HERC3: variants seen among roughly 807,000 people sequenced by gnomAD.
HERC3 encodes probable E3 ubiquitin-protein ligase HERC3.
HERC3 carries 58 observed loss-of-function variants against 129.9 expected under a neutral mutation model. The ratio of observed to expected loss-of-function variants is 0.45; its 90% CI spans 0.36 to 0.56. The LOEUF (loss-of-function observed/expected upper bound fraction) is 0.56. Ranked by LOEUF, HERC3 falls within the 20% of genes least tolerant of loss-of-function variation. HERC3 has a pLI of 0.00. For missense variants in HERC3, 835 were observed against 1,244.2 expected, an observed-to-expected ratio of 0.67 and a Z score of 4.95; for synonymous variants, 430 against 451.0, an observed-to-expected ratio of 0.95 and a Z score of 0.59.
At chr4:88,704,448 T>A in intron 24 of HERC3, 60 bp from the exon 25 acceptor site, 3 of 1,276,556 alleles carry the variant, frequency 2.4e-6, no homozygotes, top group Non-Finnish European at 3.4e-6. Context: ...AAATGATATA[T>A]AATGTCCACT....
upstream of HERC3, among the ~76,000 whole-genome samples, chr4:88,588,612 T>C (rs1390107205): frequency 6.6e-6 from 1 of 152,234 alleles, no homozygotes; most frequent in Non-Finnish European, 1.5e-5. Context: ...GGGTAGCCTG[T>C]TTTTTTCCAC....
chr4:88,647,245 G>A (rs1176611724), intron 3 of HERC3, among the ~76,000 whole-genome samples: 2 of 152,234 alleles, frequency 1.3e-5, no homozygotes, highest in South Asian at 2.1e-4. Flanking sequence ...GAAAGAAAAC[G>A]GCAGACAGAT....
intron 3 of HERC3, among the ~76,000 whole-genome samples, chr4:88,607,515 G>A (rs1263066360): frequency 6.6e-6 from 1 of 152,040 alleles, no homozygotes; most frequent in Non-Finnish European, 1.5e-5. Flanking sequence ...CCAGGCTGGA[G>A]TGCAGTGGTG....
the HERC3 span, among the ~76,000 whole-genome samples, chr4:88,551,365 A>C: frequency 2.0e-5 from 3 of 147,166 alleles, no homozygotes; most frequent in Non-Finnish European, 4.5e-5. Flanking sequence ...AATGGGAGAA[A>C]ATTTTTGCAA....
At chr4:88,655,433 T>G (rs3887216) in intron 8 of HERC3, 129 bp downstream of exon 8, 1 of 1,022,126 alleles carries the variant, frequency 9.8e-7, no homozygotes, top group Non-Finnish European at 1.4e-6. Flanking sequence ...TGCACGCCTA[T>G]GGTGAAATGT....
At chr4:88,530,642 A>G in the HERC3 span, among the ~76,000 whole-genome samples, 1 of 152,220 alleles carries the variant, frequency 6.6e-6, no homozygotes, top group Non-Finnish European at 1.5e-5. Context: ...AGAGATGAGT[A>G]TGATGAGCCA....
chr4:88,636,515 A>G (rs1309205168), intron 3 of HERC3, among the ~76,000 whole-genome samples: 1 of 152,236 alleles, frequency 6.6e-6, no homozygotes, highest in Non-Finnish European at 1.5e-5. Flanking sequence ...AGAGACCTAC[A>G]AAGAGAGTTA....
chr4:88,525,774 A>G, the HERC3 span, among the ~76,000 whole-genome samples: 1 of 152,278 alleles, frequency 6.6e-6, no homozygotes, highest in Admixed American at 6.5e-5. Context: ...GTCCCTAAAT[A>G]GCCCTTAGTA....
chr4:88,584,273 G>A, the HERC3 span, among the ~76,000 whole-genome samples: 1 of 152,116 alleles, frequency 6.6e-6, no homozygotes, highest in South Asian at 2.1e-4. Flanking sequence ...CCAAATAAGT[G>A]CACATTCTGA....
chr4:88,626,630 T>C (rs1726128802), intron 3 of HERC3, among the ~76,000 whole-genome samples: 1 of 152,152 alleles, frequency 6.6e-6, no homozygotes, highest in Non-Finnish European at 1.5e-5. Flanking sequence ...TACTTATCTT[T>C]TTCTTCTTAG....
At chr4:88,653,436 G>C (rs140441811) in intron 6 of HERC3, among the ~76,000 whole-genome samples, 1 of 152,362 alleles carries the variant, frequency 6.6e-6, no homozygotes, top group African/African-American at 2.4e-5. Context: ...AGAGAACTGG[G>C]TGTGCAAAGG....
the HERC3 span, among the ~76,000 whole-genome samples, chr4:88,562,618 T>G: frequency 1.3e-5 from 2 of 152,198 alleles, no homozygotes; most frequent in Non-Finnish European, 2.9e-5. Flanking sequence ...TTTCTTGTAG[T>G]ATTTTTATAG....
intron 12 of HERC3, among the ~76,000 whole-genome samples, chr4:88,666,191 T>C (rs141199865): frequency 2.0e-5 from 3 of 152,316 alleles, no homozygotes; most frequent in East Asian, 1.9e-4. Flanking sequence ...AGATTTCGTA[T>C]AGAGTTGTGG....
intron 22 of HERC3, 70 bp downstream of exon 22, chr4:88,686,872 T>C: frequency 9.1e-7 from 1 of 1,096,062 alleles, no homozygotes; most frequent in Non-Finnish European, 1.4e-6. Flanking sequence ...ATATTTAACA[T>C]TAGTTCTTCT....
chr4:88,542,166 G>GA, the HERC3 span, among the ~76,000 whole-genome samples: 1 of 151,870 alleles, frequency 6.6e-6, no homozygotes, highest in Non-Finnish European at 1.5e-5. Flanking sequence ...TAGTTTTTTG[G>GA]AAAAATCAGC....
At chr4:88,662,307 G>C in intron 10 of HERC3, 124 bp from the exon 11 acceptor site, 1 of 919,416 alleles carries the variant, frequency 1.1e-6, no homozygotes, top group Admixed American at 2.8e-5. Flanking sequence ...GGGGATCTGG[G>C]CGGCACACTG....
chr4:88,561,102 G>C, the HERC3 span, among the ~76,000 whole-genome samples: 5 of 152,002 alleles, frequency 3.3e-5, no homozygotes, highest in Admixed American at 2.0e-4. Flanking sequence ...TTAGGGTTTT[G>C]TTTTCTATTT....
the HERC3 span, among the ~76,000 whole-genome samples, chr4:88,581,208 G>A: frequency 6.6e-6 from 1 of 152,036 alleles, no homozygotes; most frequent in African/African-American, 2.4e-5. Flanking sequence ...TGTTTCTAGA[G>A]CCAGCTTGTA....
Position 88,667,999 on chromosome 4 carries a change from G to C in HERC3, c.1551G>C (p.Gln517His), listed in dbSNP as rs750334641. The stretch of plus-strand genomic sequence containing the variant: ...TACTACCTGAGTTTCCCCTACTCCA[G>C]GATTCCAAGTATTATATAACATTGA... ...YLILPEFPLLQDSKYYITLTI... is the reference protein window; with the variant it reads ...YLILPEFPLLHDSKYYITLTI... Residue 517 changes from glutamine to histidine, a missense_variant, in exon 14 of 26, where the codon CAG becomes CAC. By Grantham distance (24) the Gln-to-His change is conservative. Coordinates refer to ENST00000402738, the MANE Select transcript of HERC3 (RefSeq NM_014606.3). 6.2e-6 allele frequency: 10 copies of C among 1,613,354 alleles called. No homozygotes were observed. The South Asian group carries it at 1.1e-4, about 18-fold the overall frequency.
Sources: gnomAD v4.1 joint callset for allele counts (sites outside exome capture counted in the v4.1 genomes callset) on GRCh38, gnomAD v4.1.1 for gene constraint, MANE v1.5 for transcripts, NCBI Gene and HGNC (gene_info 2026-07-23, HGNC 2026-07-21) for gene names.